OTUD7A: variants seen among roughly 807,000 people sequenced by gnomAD.
OTUD7A encodes OTU domain-containing protein 7A.
A neutral mutation model predicts 65.7 loss-of-function variants in OTUD7A; 12 were observed. That is an observed-to-expected ratio of 0.18 (90% CI 0.12 to 0.30). OTUD7A has a LOEUF of 0.30. OTUD7A is among the 10% of genes least tolerant of loss of function. The pLI is 1.00. For synonymous variants in OTUD7A, 641 were observed against 586.3 expected (o/e 1.09, Z -1.35); for missense variants, 1,148 against 1,304.8 (o/e 0.88, Z 1.85).
rs574806181 is a variant in OTUD7A at position 31,784,422 on chromosome 15, C to T, written c.-100+86085G>A. 1.3e-3 allele frequency among the ~76,000 whole-genome samples: 196 copies of T among 148,736 alleles called. 2 individuals carry two copies. The highest frequency in any genetic ancestry group is 1.8e-4 in the Non-Finnish European group (12 of 66,150). On this transcript the variant is annotated intron_variant, in intron 1 of 12. Transcript: ENST00000307050. ...TCCAGCTGTCTTCTATTAAGCCAGT[C>T]GAAATTTACTAAAACATAAAACAAT...
intron 1 of OTUD7A, among the ~76,000 whole-genome samples, chr15:31,779,337 T>C (rs537135536): frequency 6.6e-6 from 1 of 152,362 alleles, no homozygotes; most frequent in African/African-American, 2.4e-5. Context: ...TACGCTTCAC[T>C]GATATAAACT....
At chr15:31,773,892 C>G (rs182797378) in intron 1 of OTUD7A, among the ~76,000 whole-genome samples, 1 of 152,084 alleles carries the variant, frequency 6.6e-6, no homozygotes, top group Non-Finnish European at 1.5e-5. Context: ...AATTTATAAT[C>G]GACTCACAAT....
chr15:31,667,821 A>G (rs566627761), intron 1 of OTUD7A, among the ~76,000 whole-genome samples: 1 of 152,226 alleles, frequency 6.6e-6, no homozygotes, highest in East Asian at 1.9e-4. Context: ...AGCTCCTTTT[A>G]GCAGTTCTTC....
intron 1 of OTUD7A, among the ~76,000 whole-genome samples, chr15:31,782,816 T>C (rs1895575829): frequency 6.6e-6 from 1 of 152,174 alleles, no homozygotes; most frequent in South Asian, 2.1e-4. Flanking sequence ...AGAGGAGGCC[T>C]GGAGCAAGAG....
chr15:31,538,256 T>C (rs752911586), intron 5 of OTUD7A, among the ~76,000 whole-genome samples: 14 of 152,144 alleles, frequency 9.2e-5, no homozygotes, highest in South Asian at 2.1e-4. Context: ...ACTGACCCGC[T>C]GGGGAGAGAA....
At chr15:31,544,161 A>G (rs1327658119) in intron 5 of OTUD7A, among the ~76,000 whole-genome samples, 1 of 151,822 alleles carries the variant, frequency 6.6e-6, no homozygotes, top group Non-Finnish European at 1.5e-5. Flanking sequence ...AACCAAAATG[A>G]AAATCAGAAA....
intron 5 of OTUD7A, among the ~76,000 whole-genome samples, chr15:31,553,001 G>A (rs1160753901): frequency 6.6e-6 from 1 of 152,188 alleles, no homozygotes; most frequent in East Asian, 1.9e-4. Flanking sequence ...GATGGTGAGA[G>A]CTATAAGGAG....
intron 1 of OTUD7A, among the ~76,000 whole-genome samples, chr15:31,702,537 T>C (rs1009467398): frequency 4.0e-5 from 6 of 151,190 alleles, no homozygotes; most frequent in Non-Finnish European, 7.4e-5. Flanking sequence ...TAGTTATAAA[T>C]CTAACAAAAT....
intron 1 of OTUD7A, among the ~76,000 whole-genome samples, chr15:31,755,678 C>T (rs1012900245): frequency 4.0e-5 from 6 of 151,658 alleles, no homozygotes; most frequent in Admixed American, 1.3e-4. Context: ...GCAGAGATTG[C>T]GCCACTGCAC....
chr15:31,607,309 C>T (rs1026695446), intron 3 of OTUD7A, among the ~76,000 whole-genome samples: 2 of 152,124 alleles, frequency 1.3e-5, no homozygotes, highest in African/African-American at 4.8e-5. Context: ...GCCAACACCC[C>T]AGGCTTTTGG....
Position 31,609,356 on chromosome 15 carries a change from A to G in OTUD7A, c.152-39159T>C, listed in dbSNP as rs1281432794. Among the ~76,000 whole-genome samples, 23 of 152,126 alleles carry G rather than the reference A, an allele frequency of 1.5e-4. 1 individual carries two copies. The highest frequency in any genetic ancestry group is 1.5e-3 in the Admixed American group (23 of 15,276). On this transcript the variant is annotated intron_variant, in intron 3 of 12. Transcript: ENST00000307050. ...CAGCTTTGCTTGCCCACTGCCAGGA[A>G]ACAAACTTGGTGCCGTTAGCAGGCA...
chr15:31,531,520 CAAAA>C (rs60332452), intron 5 of OTUD7A, among the ~76,000 whole-genome samples: 25 of 80,156 alleles, frequency 3.1e-4, no homozygotes, highest in African/African-American at 9.6e-4. Context: ...GAGTAGGCCA[CAAAA>C]AAAAAAAAAA....
At chr15:31,835,986 T>A (rs1330690081) in intron 1 of OTUD7A, among the ~76,000 whole-genome samples, 2 of 151,964 alleles carry the variant, frequency 1.3e-5, no homozygotes, top group Non-Finnish European at 1.5e-5. Flanking sequence ...TTCCTTTGAG[T>A]ATCATGTCAG....
chr15:31,867,401 A>G (rs1897905405), intron 1 of OTUD7A, among the ~76,000 whole-genome samples: 3 of 152,298 alleles, frequency 2.0e-5, no homozygotes, highest in Admixed American at 1.3e-4. Context: ...TGACTTGCAC[A>G]CAGCTTGCTC....
chr15:31,610,605 A>ATTTTTTTTTTTTT (rs1472216504), intron 3 of OTUD7A, among the ~76,000 whole-genome samples: 5 of 38,658 alleles, frequency 1.3e-4, no homozygotes, highest in Middle Eastern at 9.4e-3. Context: ...ATATATATAT[A>ATTTTTTTTTTTTT]TATATATATA....
chr15:31,746,418 A>G (rs1894478950), intron 1 of OTUD7A, among the ~76,000 whole-genome samples: 2 of 152,218 alleles, frequency 1.3e-5, no homozygotes, highest in African/African-American at 4.8e-5. Context: ...TGATAAAAAA[A>G]GAACGACATA....
intron 3 of OTUD7A, among the ~76,000 whole-genome samples, chr15:31,643,930 C>A (rs142307855): frequency 2.0e-5 from 3 of 152,104 alleles, no homozygotes; most frequent in African/African-American, 7.2e-5. Flanking sequence ...CCTGGAAGAC[C>A]GGGCTGCAAA....
chr15:31,622,881 C>T (rs1890836168), intron 3 of OTUD7A, among the ~76,000 whole-genome samples: 1 of 152,178 alleles, frequency 6.6e-6, no homozygotes, highest in Non-Finnish European at 1.5e-5. Context: ...TGTTTTTTCC[C>T]CATCTTTGTG....
chr15:31,489,443 A>G (rs1214423937), intron 10 of OTUD7A, among the ~76,000 whole-genome samples: 1 of 152,194 alleles, frequency 6.6e-6, no homozygotes, highest in African/African-American at 2.4e-5. Context: ...TTCCCAGGGT[A>G]GAATTGCTGT....
Sources: gnomAD v4.1 joint callset for allele counts (sites outside exome capture counted in the v4.1 genomes callset) on GRCh38, gnomAD v4.1.1 for gene constraint, MANE v1.5 for transcripts, NCBI Gene and HGNC (gene_info 2026-07-23, HGNC 2026-07-21) for gene names.